Variants in NRXN1 observed in about 807,000 individuals in gnomAD.
NRXN1 encodes neurexin-1.
In NRXN1, 39 loss-of-function variants were observed where a neutral mutation model predicts 150.9. The observed-to-expected ratio is 0.26, with a 90% CI of 0.20 to 0.34. The LOEUF (loss-of-function observed/expected upper bound fraction) is 0.34, where lower values mean the gene tolerates loss of function less well. Among genes scored for constraint, NRXN1 ranks in the 10% least tolerant of loss-of-function variants. The pLI is 1.00. For missense variants in NRXN1, 1,815 were observed against 1,949.9 expected (o/e 0.93, Z 1.30); for synonymous variants, 924 against 757.0 (o/e 1.22, Z -3.62).
At chr2:50,392,515 T>C (rs1453768633) in intron 17 of NRXN1, among the ~76,000 whole-genome samples, 1 of 152,144 alleles carries the variant, frequency 6.6e-6, no homozygotes, top group Non-Finnish European at 1.5e-5. Context: ...AAAAGAGATG[T>C]CTTTTACAAA....
chr2:50,355,976 C>T (rs1329397081), intron 17 of NRXN1, among the ~76,000 whole-genome samples: 2 of 151,776 alleles, frequency 1.3e-5, no homozygotes, highest in Non-Finnish European at 2.9e-5. Context: ...AATTTGAATG[C>T]TAAGTAAGCT....
rs779214382 is a variant in NRXN1, at chr2:50,531,449, TATG to T, written c.2144-22_2144-20del. On this transcript the variant is annotated intron_variant, in intron 10 of 22. Coordinates refer to ENST00000401669, the MANE Select transcript of NRXN1 (RefSeq NM_001330078.2). ...GTTGCCTCTAGAGATGGAAAATGAA[TATG>T]ATAAGTTCTTGGATGGTATAGCGCA... 117 of 1,588,010 alleles carry T rather than the reference TATG, an allele frequency of 7.4e-5. No homozygotes were observed. Among genetic ancestry groups the T allele is most frequent in the Non-Finnish European group, 8.8e-5 (102 of 1,161,964 alleles).
chr2:50,397,046 G>T (rs1213014452), intron 17 of NRXN1, among the ~76,000 whole-genome samples: 1 of 152,008 alleles, frequency 6.6e-6, no homozygotes, highest in Non-Finnish European at 1.5e-5. Context: ...TCCCGAAGAT[G>T]GTCTCAGGTC....
intron 5 of NRXN1, among the ~76,000 whole-genome samples, chr2:50,821,534 G>A (rs2105827867): frequency 6.6e-6 from 1 of 152,236 alleles, no homozygotes; most frequent in South Asian, 2.1e-4. Flanking sequence ...GTTAACATAT[G>A]TAAATAGCTA....
At chr2:50,556,484 A>T (rs1022388115) in intron 8 of NRXN1, among the ~76,000 whole-genome samples, 3 of 151,554 alleles carry the variant, frequency 2.0e-5, no homozygotes, top group Non-Finnish European at 4.4e-5. Flanking sequence ...TATAGAACCA[A>T]GGTTTCTTTG....
At chr2:49,958,272 T>G (rs1471855859) in intron 21 of NRXN1, among the ~76,000 whole-genome samples, 3 of 152,232 alleles carry the variant, frequency 2.0e-5, no homozygotes, top group Admixed American at 6.5e-5. Context: ...TGATATTGCC[T>G]AATGACCTCT....
At chr2:50,035,742 A>G (rs1023382961) in intron 21 of NRXN1, among the ~76,000 whole-genome samples, 6 of 152,148 alleles carry the variant, frequency 3.9e-5, no homozygotes, top group African/African-American at 1.4e-4. Flanking sequence ...CTTTTAATCA[A>G]GACAGAAATA....
chr2:50,599,551 A>G (rs1363935973), intron 8 of NRXN1, among the ~76,000 whole-genome samples: 3 of 152,316 alleles, frequency 2.0e-5, no homozygotes, highest in African/African-American at 4.8e-5. Flanking sequence ...CCAAAGACAT[A>G]ATGAGTATTG....
At chr2:50,419,689 G>C (rs1405462078) in intron 17 of NRXN1, among the ~76,000 whole-genome samples, 2 of 151,864 alleles carry the variant, frequency 1.3e-5, no homozygotes, top group African/African-American at 4.8e-5. Context: ...ACAATAGTTT[G>C]AGTAAATTGG....
At chr2:50,147,021 T>C (rs1207060724) in intron 18 of NRXN1, among the ~76,000 whole-genome samples, 1 of 151,778 alleles carries the variant, frequency 6.6e-6, no homozygotes, top group Non-Finnish European at 1.5e-5. Flanking sequence ...TTGTTAATTT[T>C]ATCCTATTTT....
At chr2:50,949,879 G>A (rs1691017935) in intron 2 of NRXN1, among the ~76,000 whole-genome samples, 1 of 152,086 alleles carries the variant, frequency 6.6e-6, no homozygotes, top group South Asian at 2.1e-4. Context: ...GGTATTATAT[G>A]TCTCATCTAT....
intron 18 of NRXN1, among the ~76,000 whole-genome samples, chr2:50,206,256 CACACACA>C (rs2062567425): frequency 6.7e-6 from 1 of 148,188 alleles, no homozygotes. Context: ...CACACACACA[CACACACA>C]ACAATTTTTT....
chr2:50,714,961 T>C (rs1339101207), intron 5 of NRXN1, among the ~76,000 whole-genome samples: 1 of 152,122 alleles, frequency 6.6e-6, no homozygotes, highest in African/African-American at 2.4e-5. Flanking sequence ...GCTATTTAAT[T>C]ATAATGTTAT....
intron 17 of NRXN1, among the ~76,000 whole-genome samples, chr2:50,327,012 C>T (rs879373399): frequency 6.6e-6 from 1 of 152,168 alleles, no homozygotes; most frequent in Non-Finnish European, 1.5e-5. Context: ...CAAAGTCTAA[C>T]AAAGTTAAAC....
chr2:50,529,136 T>C (rs1198625943), intron 11 of NRXN1, among the ~76,000 whole-genome samples: 1 of 152,218 alleles, frequency 6.6e-6, no homozygotes, highest in Non-Finnish European at 1.5e-5. Flanking sequence ...GTTAAAATTA[T>C]TCTTATCTTA....
chr2:50,596,357 CAT>C (rs1488333030), intron 8 of NRXN1, among the ~76,000 whole-genome samples: 1 of 152,130 alleles, frequency 6.6e-6, no homozygotes, highest in Non-Finnish European at 1.5e-5. Flanking sequence ...CGATCTATCC[CAT>C]GTTATTAAAA....
intron 5 of NRXN1, among the ~76,000 whole-genome samples, chr2:50,748,355 C>A (rs1700229411): frequency 6.6e-6 from 1 of 152,112 alleles, no homozygotes; most frequent in African/African-American, 2.4e-5. Context: ...TTGCTAATAT[C>A]TCTATGAATA....
intron 8 of NRXN1, among the ~76,000 whole-genome samples, chr2:50,567,195 C>G (rs1030461800): frequency 1.3e-5 from 2 of 152,100 alleles, no homozygotes; most frequent in Non-Finnish European, 1.5e-5. Context: ...GTTAAGAATT[C>G]TTTAAGATTT....
At chr2:50,234,372 T>C (rs1259501251) in intron 18 of NRXN1, among the ~76,000 whole-genome samples, 1 of 152,002 alleles carries the variant, frequency 6.6e-6, no homozygotes, top group Non-Finnish European at 1.5e-5. Context: ...TGGGCACCTG[T>C]AATCCTAGAT....
Sources: gnomAD v4.1 joint callset for allele counts (sites outside exome capture counted in the v4.1 genomes callset) on GRCh38, gnomAD v4.1.1 for gene constraint, MANE v1.5 for transcripts, NCBI Gene and HGNC (gene_info 2026-07-23, HGNC 2026-07-21) for gene names.